CDH7: variants seen among roughly 807,000 people sequenced by gnomAD.
CDH7 encodes the protein cadherin-7.
In CDH7, 25 loss-of-function variants were observed where a neutral mutation model predicts 71.8. That is an observed-to-expected ratio of 0.35 (90% CI 0.25 to 0.49). The LOEUF is 0.49. Among genes scored for constraint, CDH7 ranks in the 20% least tolerant of loss-of-function variants. CDH7 has a pLI of 0.99. For missense variants in CDH7, 862 were observed against 974.6 expected (o/e 0.88, Z 1.54); for synonymous variants, 381 against 363.8 (o/e 1.05, Z -0.54).
intron 2 of CDH7, among the ~76,000 whole-genome samples, chr18:65,774,725 T>A (rs1288554545): frequency 6.6e-6 from 1 of 152,116 alleles, no homozygotes; most frequent in Admixed American, 6.6e-5. Flanking sequence ...ATGTGGGGCC[T>A]GGGAGAAAGA....
Position 65,797,763 on chromosome 18 carries a change from G to A in CDH7, c.211-11941G>A, listed in dbSNP as rs139050937. Among the ~76,000 whole-genome samples, 1,096 of 152,174 alleles carry A rather than the reference G, an allele frequency of 7.2e-3. 13 individuals carry two copies. Among genetic ancestry groups the A allele is most frequent in the African/African-American group, 0.025 (1,049 of 41,530 alleles). ...AACTTCTCAGCAAATTATTTCAAAC[G>A]TTCTGCAGACATGCTTATTTTCCCT... On this transcript the variant is annotated intron_variant, in intron 2 of 11. Coordinates refer to ENST00000397968, the MANE Select transcript of CDH7 (RefSeq NM_004361.5).
intron 7 of CDH7, among the ~76,000 whole-genome samples, chr18:65,854,244 T>C (rs1166161064): frequency 6.6e-6 from 1 of 151,880 alleles, no homozygotes; most frequent in African/African-American, 2.4e-5. Context: ...AGGTTGAGGC[T>C]GTAGTGAGCC....
chr18:65,783,245 G>T (rs1017521892), intron 2 of CDH7, among the ~76,000 whole-genome samples: 3 of 152,102 alleles, frequency 2.0e-5, no homozygotes, highest in Non-Finnish European at 4.4e-5. Context: ...ATTAGATAAT[G>T]AATCCAACCA....
intron 1 of CDH7, among the ~76,000 whole-genome samples, chr18:65,760,913 G>A (rs530164913): frequency 6.6e-6 from 1 of 152,302 alleles, no homozygotes; most frequent in Admixed American, 6.5e-5. Flanking sequence ...GGGTTAGTCA[G>A]ACCTACCTAC....
chr18:65,815,512 G>A lies in CDH7; in HGVS notation c.625+908G>A, dbSNP rs73966317. On this transcript the variant is annotated intron_variant, in intron 4 of 11. Transcript: ENST00000397968. ...TCCTGTTTTCCATGTTTACCAAAAG[G>A]GCAATATTAATTTATTCTCAAATCA... is the stretch of plus-strand genomic sequence containing the variant. Among the ~76,000 whole-genome samples, 1,249 of 152,154 alleles carry A rather than the reference G, an allele frequency of 8.2e-3. 16 individuals carry two copies. Among genetic ancestry groups the A allele is most frequent in the African/African-American group, 0.029 (1,189 of 41,506 alleles).
chr18:65,759,823 G>A (rs1046401549), intron 1 of CDH7, among the ~76,000 whole-genome samples: 2 of 152,096 alleles, frequency 1.3e-5, no homozygotes, highest in African/African-American at 4.8e-5. Context: ...TTCCTCATCA[G>A]TAAACACCTA....
At chr18:65,787,912 AG>A (rs1305053535) in intron 2 of CDH7, among the ~76,000 whole-genome samples, 1 of 152,090 alleles carries the variant, frequency 6.6e-6, no homozygotes, top group Non-Finnish European at 1.5e-5. Flanking sequence ...AGAGAAAGCG[AG>A]TAACCAGTTA....
At chr18:65,803,835 T>C (rs918298743) in intron 2 of CDH7, 4 of 146,834 alleles carry the variant, frequency 2.7e-5, no homozygotes, top group East Asian at 2.1e-4. Context: ...AAGTGAGGAA[T>C]CTAGAATAAG....
intron 1 of CDH7, among the ~76,000 whole-genome samples, chr18:65,755,693 G>C (rs577019199): frequency 1.2e-4 from 19 of 152,106 alleles, no homozygotes; most frequent in African/African-American, 4.6e-4. Flanking sequence ...ATGTATTAAG[G>C]GATTCTACAA....
At chr18:65,873,332 G>GT (rs1439618310) in intron 11 of CDH7, among the ~76,000 whole-genome samples, 1 of 152,120 alleles carries the variant, frequency 6.6e-6, no homozygotes, top group African/African-American at 2.4e-5. Flanking sequence ...GAGTATTCTG[G>GT]TGTTTGAGTC....
chr18:65,782,103 CTTCCTTCTTTCTTTCTTTCTTTCT>C (rs1910308010), intron 2 of CDH7, among the ~76,000 whole-genome samples: 1 of 31,000 alleles, frequency 3.2e-5, no homozygotes, highest in Non-Finnish European at 5.2e-5. Context: ...TCCTTCCTTC[CTTCCTTCTTTCTTTCTTTCTTTCT>C]TTCTTTCTTT....
chr18:65,875,352 T>G (rs748385718), intron 11 of CDH7, among the ~76,000 whole-genome samples: 1 of 152,162 alleles, frequency 6.6e-6, no homozygotes, highest in Non-Finnish European at 1.5e-5. Context: ...TTGATGATAC[T>G]CCAATAGAAA....
chr18:65,771,166 A>G (rs1275778974), intron 2 of CDH7, among the ~76,000 whole-genome samples: 1 of 152,136 alleles, frequency 6.6e-6, no homozygotes, highest in East Asian at 1.9e-4. Flanking sequence ...AATCAGTCAC[A>G]TTGGGAGTTA....
chr18:65,889,863 C>T lies in CDH7; in HGVS notation c.*8969C>T, dbSNP rs1000079660. Reference sequence around the variant, plus strand: ...GAACATAAGGGACAAGGATAAAATACGGAGTTTAACGTGCTTATAACCAGT... The same window carrying T: ...GAACATAAGGGACAAGGATAAAATATGGAGTTTAACGTGCTTATAACCAGT... On this transcript the variant is annotated 3_prime_UTR_variant, in exon 12 of 12. Coordinates refer to ENST00000397968, the MANE Select transcript of CDH7 (RefSeq NM_004361.5). 2.6e-5 allele frequency: 4 copies of T among 152,126 alleles called. No individual in the cohort carries two copies. Among genetic ancestry groups the T allele is most frequent in the Non-Finnish European group, 5.9e-5 (4 of 68,014 alleles). The allele number at this position is 152,126 out of a possible 1,614,324, so 9.4% of individuals were successfully genotyped here. A position where few individuals can be genotyped will look rare whatever the true frequency, so the allele number is the denominator to read the frequency against.
intron 1 of CDH7, among the ~76,000 whole-genome samples, chr18:65,753,447 C>G (rs1915942962): frequency 6.6e-6 from 1 of 152,156 alleles, no homozygotes; most frequent in African/African-American, 2.4e-5. Context: ...CATCACAGTT[C>G]TCTCTCTCTT....
chr18:65,801,308 T>C (rs1256865881), intron 2 of CDH7, among the ~76,000 whole-genome samples: 1 of 152,214 alleles, frequency 6.6e-6, no homozygotes, highest in Admixed American at 6.5e-5. Context: ...CATCGGGATA[T>C]GCAAATTGTA....
At chr18:65,859,872 T>C in intron 10 of CDH7, 47 bp downstream of exon 10, 1 of 1,092,038 alleles carries the variant, frequency 9.2e-7, no homozygotes, top group Non-Finnish European at 1.4e-6. Flanking sequence ...GTACAGATAC[T>C]CTAAGCAAGT....
At position 65,818,264 on chromosome 18, in the gene CDH7, CT is replaced by C. The variant is rs1267388162; in HGVS notation, c.625+3666del. On this transcript the variant is annotated intron_variant, in intron 4 of 11. Coordinates refer to ENST00000397968, the MANE Select transcript of CDH7 (RefSeq NM_004361.5). The stretch of plus-strand genomic sequence containing the variant: ...GATGCTATAAGGTTTTGAGTTTTTT[CT>C]TTTTTAATTTCAATGGTTATCAATA... Among the ~76,000 whole-genome samples, 3 of 152,044 alleles carry C rather than the reference CT, an allele frequency of 2.0e-5. No homozygotes were observed. The East Asian group carries it at 5.8e-4, about 29-fold the overall frequency.
In CDH7 at chr18:65,885,375, T is replaced by TTTTTTCTTTTTTTTTC. The variant is rs1568238134; in HGVS notation, c.*4486_*4487insCTTTTTTTTTCTTTTT. Reference sequence around the variant, plus strand: ...ACTGAAAAGGATGTGTGCCTGTGTTTTTTTTTTTTTTTTTTTTTTTGACGT... The same window carrying TTTTTTCTTTTTTTTTC: ...ACTGAAAAGGATGTGTGCCTGTGTTTTTTTTCTTTTTTTTTCTTTTTTTTTTTTTTTTTTTTGACGT... On this transcript the variant is annotated 3_prime_UTR_variant, in exon 12 of 12. Coordinates refer to ENST00000397968, the MANE Select transcript of CDH7 (RefSeq NM_004361.5). The TTTTTTCTTTTTTTTTC allele has an allele frequency of 2.0e-5, 2 of 100,374 alleles. No individual in the cohort carries two copies. The allele number at this position is 100,374 out of a possible 1,614,324, so 6.2% of individuals were successfully genotyped here. A position where few individuals can be genotyped will look rare whatever the true frequency, so the allele number is the denominator to read the frequency against.
Sources: gnomAD v4.1 joint callset for allele counts (sites outside exome capture counted in the v4.1 genomes callset) on GRCh38, gnomAD v4.1.1 for gene constraint, MANE v1.5 for transcripts, NCBI Gene and HGNC (gene_info 2026-07-23, HGNC 2026-07-21) for gene names.